The following ABR variants were observed in gnomAD, a reference collection of about 807,000 sequenced individuals.
The protein encoded by ABR is active breakpoint cluster region-related protein.
In ABR, 35 loss-of-function variants were observed where a neutral mutation model predicts 107.2. The ratio of observed to expected loss-of-function variants is 0.33; its 90% CI spans 0.25 to 0.43. The LOEUF is 0.43. Among genes scored for constraint, ABR ranks in the 20% least tolerant of loss-of-function variants. The pLI, the probability that ABR is intolerant of heterozygous loss-of-function variation, is 1.00. For synonymous variants in ABR, 498 were observed against 462.0 expected (o/e 1.08, Z -1.00); for missense variants, 815 against 1,115.2 (o/e 0.73, Z 3.83).
intron 1 of ABR, among the ~76,000 whole-genome samples, chr17:1,178,724 G>A (rs2042004862): frequency 6.6e-6 from 1 of 152,060 alleles, no homozygotes; most frequent in South Asian, 2.1e-4. Flanking sequence ...GGCCAGGAAG[G>A]GCGAAATCCA....
chr17:1,059,837 T>G (rs2033726621), intron 10 of ABR, among the ~76,000 whole-genome samples: 1 of 152,246 alleles, frequency 6.6e-6, no homozygotes, highest in African/African-American at 2.4e-5. Context: ...TTGTAAAGAA[T>G]GTTCACAGCC....
At chr17:1,094,550 T>C (rs2037272963) in intron 3 of ABR, among the ~76,000 whole-genome samples, 1 of 152,034 alleles carries the variant, frequency 6.6e-6, no homozygotes, top group Non-Finnish European at 1.5e-5. Context: ...TTTGTAGTTT[T>C]TGTAGATATG....
intron 16 of ABR, among the ~76,000 whole-genome samples, chr17:1,020,992 C>T (rs2071579480): frequency 6.6e-6 from 1 of 152,182 alleles, no homozygotes; most frequent in Admixed American, 6.5e-5. Context: ...GCCTGCTGGG[C>T]CACACTCTCC....
exon 1 of ABR, among the ~76,000 whole-genome samples, chr17:1,229,593 G>A (rs1366439653): frequency 2.0e-5 from 3 of 151,504 alleles, no homozygotes; most frequent in African/African-American, 7.3e-5. Context: ...GGGGAACTCG[G>A]CCCGCCAGCG....
intron 16 of ABR, among the ~76,000 whole-genome samples, chr17:1,025,612 G>A (rs532559401): frequency 3.9e-5 from 6 of 152,262 alleles, no homozygotes; most frequent in African/African-American, 7.2e-5. Context: ...GGACCTTGCC[G>A]GTTCTTTGGC....
Position 1,042,668 on chromosome 17 carries a change from T to A in ABR, c.1791+7382A>T, listed in dbSNP as rs528126862. ...AGGACAAACAGACGTGGCACCTACA[T>A]CCACAGATGGATGGATAAATAGACG... On this transcript the variant is annotated intron_variant, in intron 16 of 22. Transcript: ENST00000302538. Among the ~76,000 whole-genome samples the A allele has an allele frequency of 7.9e-5, 12 of 151,512 alleles. No homozygotes were observed. In the East Asian group the frequency reaches 2.3e-3, roughly 30 times the overall value.
chr17:1,158,570 T>C (rs1426318265), intron 1 of ABR, among the ~76,000 whole-genome samples: 1 of 151,632 alleles, frequency 6.6e-6, no homozygotes, highest in African/African-American at 2.4e-5. Flanking sequence ...CAAGACCAGC[T>C]TGGCCAACAT....
chr17:1,052,310 C>G (rs1475302368), intron 14 of ABR, among the ~76,000 whole-genome samples: 1 of 151,002 alleles, frequency 6.6e-6, no homozygotes, highest in Non-Finnish European at 1.5e-5. Flanking sequence ...ATGGATTGAT[C>G]TCGGTGTGAG....
chr17:1,140,606 G>A (rs1020682315), intron 1 of ABR, among the ~76,000 whole-genome samples: 2 of 151,992 alleles, frequency 1.3e-5, no homozygotes, highest in Non-Finnish European at 2.9e-5. Context: ...TTTTGGAGAC[G>A]AAGTCTCAAT....
chr17:1,048,264 A>T (rs978824378), intron 16 of ABR, among the ~76,000 whole-genome samples: 2 of 152,180 alleles, frequency 1.3e-5, no homozygotes, highest in African/African-American at 4.8e-5. Flanking sequence ...ACAGCATCGG[A>T]AAGAGACGTG....
chr17:1,087,304 C>A (rs953259423), intron 4 of ABR, among the ~76,000 whole-genome samples: 1 of 152,076 alleles, frequency 6.6e-6, no homozygotes, highest in African/African-American at 2.4e-5. Flanking sequence ...CCCAGAGAGG[C>A]TGGGGTGGGG....
At chr17:1,214,660 G>C (rs2042964333) in intron 1 of ABR, among the ~76,000 whole-genome samples, 1 of 152,058 alleles carries the variant, frequency 6.6e-6, no homozygotes, top group Non-Finnish European at 1.5e-5. Flanking sequence ...AATTAGCCAG[G>C]CGTAGTGGCA....
chr17:1,216,262 C>G (rs912277595), intron 1 of ABR, among the ~76,000 whole-genome samples: 1 of 152,288 alleles, frequency 6.6e-6, no homozygotes, highest in Admixed American at 6.5e-5. Context: ...GCTCAGTTCT[C>G]ACAAATCTGC....
chr17:1,033,892 C>T (rs865821955), intron 16 of ABR, among the ~76,000 whole-genome samples: 11 of 152,154 alleles, frequency 7.2e-5, no homozygotes, highest in African/African-American at 2.4e-4. Flanking sequence ...ACAGCCCCTT[C>T]ACACAGCCAC....
intron 16 of ABR, among the ~76,000 whole-genome samples, chr17:1,017,629 G>A (rs546663303): frequency 5.9e-5 from 9 of 151,726 alleles, no homozygotes; most frequent in African/African-American, 2.2e-4. Context: ...CATCACACCC[G>A]GCTAATTTTT....
intron 18 of ABR, 161 bp from the exon 19 acceptor site, chr17:1,012,146 A>G (rs779582417): frequency 8.5e-7 from 1 of 1,177,664 alleles, no homozygotes; most frequent in South Asian, 1.3e-5. Context: ...ACCGCACCCC[A>G]CCCCAGCCAG....
intron 21 of ABR, among the ~76,000 whole-genome samples, chr17:1,008,448 C>T (rs943602000): frequency 7.9e-5 from 12 of 152,206 alleles, no homozygotes; most frequent in Admixed American, 4.6e-4. Flanking sequence ...TCACCACACG[C>T]GCGCACACGG....
At chr17:1,031,521 C>T (rs1336252838) in intron 16 of ABR, 5 of 208,612 alleles carry the variant, frequency 2.4e-5, no homozygotes, top group Non-Finnish European at 3.4e-5. Context: ...CATCAGCCCC[C>T]GCAGCCCCCG....
rs1215208843 is a variant in ABR at position 1,203,486 on chromosome 17, G to C, written c.838+25307C>G. ...CGGGGACGGAGTCTGCGGGGGCGGG[G>C]CCCGCGGGGACGGAGTCTGCGGGGG... On this transcript the variant is annotated intron_variant, in intron 1 of 22. Transcript: ENST00000574139. 3.4e-5 allele frequency among the ~76,000 whole-genome samples: 3 copies of C among 89,516 alleles called. 1 individual carries two copies. Among genetic ancestry groups the C allele is most frequent in the Non-Finnish European group, 4.8e-5 (2 of 41,632 alleles). 58.7% of individuals were successfully genotyped at this position (89,516 alleles called of 152,430 possible).
Sources: allele counts gnomAD v4.1 joint callset (sites outside exome capture counted in the v4.1 genomes callset), GRCh38; gene constraint gnomAD v4.1.1; transcripts MANE v1.5; gene names NCBI Gene and HGNC (gene_info 2026-07-23, HGNC 2026-07-21).